Variants in BNIP3L observed in about 807,000 individuals in gnomAD.
The protein encoded by BNIP3L is BCL2 interacting protein 3 like.
A neutral mutation model predicts 25.5 loss-of-function variants in BNIP3L; 10 were observed. That is an observed-to-expected ratio of 0.39 (90% CI 0.24 to 0.67). The LOEUF is 0.67. Among genes scored for constraint, BNIP3L ranks in the 30% least tolerant of loss-of-function variants. The pLI, the probability that BNIP3L is intolerant of heterozygous loss-of-function variation, is 0.45. For synonymous variants in BNIP3L, 113 were observed against 101.2 expected (o/e 1.12, Z -0.70); for missense variants, 215 against 270.9 (o/e 0.79, Z 1.45).
At chr8:26,390,445 TCAA>T in intron 1 of BNIP3L, 2 of 985,042 alleles carry the variant, frequency 2.0e-6, no homozygotes, top group South Asian at 9.4e-5. Flanking sequence ...TGCTCCCAAA[TCAA>T]CAGGGTTTAA....
At chr8:26,410,238 G>A (rs1806591629) in intron 5 of BNIP3L, 126 bp from the exon 6 acceptor site, 1 of 993,992 alleles carries the variant, frequency 1.0e-6, no homozygotes. Context: ...TGTTTGGGGA[G>A]CGGTACCCAC....
At chr8:26,409,879 G>T (rs922844727) in intron 5 of BNIP3L, among the ~76,000 whole-genome samples, 2 of 152,042 alleles carry the variant, frequency 1.3e-5, no homozygotes, top group Admixed American at 1.3e-4. Flanking sequence ...GTATTATAAG[G>T]CCCCTAATCC....
In BNIP3L at chr8:26,412,485, T is replaced by A. The variant is rs1482983069; in HGVS notation, c.*2073T>A. The A allele has an allele frequency of 6.6e-6, 1 of 152,252 alleles. No individual in the cohort carries two copies. Among genetic ancestry groups the A allele is most frequent in the African/African-American group, 2.4e-5 (1 of 41,470 alleles). The allele number at this position is 152,252 out of a possible 1,614,324, so 9.4% of individuals were successfully genotyped here. On this transcript the variant is annotated 3_prime_UTR_variant, in exon 6 of 6. Coordinates refer to ENST00000380629, the MANE Select transcript of BNIP3L (RefSeq NM_004331.3). ...TCAGTGGTGCCACTGAAACTGGGTA[T>A]ATTTATGATTTCTTTCAGCGTTAAA...
At chr8:26,407,062 G>A (rs1223342678) in intron 3 of BNIP3L, among the ~76,000 whole-genome samples, 2 of 148,082 alleles carry the variant, frequency 1.4e-5, no homozygotes, top group Admixed American at 6.7e-5. Context: ...GCTGGATCTC[G>A]GCTCCACCTC....
intron 3 of BNIP3L, among the ~76,000 whole-genome samples, chr8:26,402,457 C>G (rs558312757): frequency 6.6e-6 from 1 of 152,304 alleles, no homozygotes; most frequent in African/African-American, 2.4e-5. Context: ...TTTCTTCAAT[C>G]TATATCACCT....
chr8:26,400,071 G>A (rs879665971), intron 3 of BNIP3L, among the ~76,000 whole-genome samples: 11 of 149,868 alleles, frequency 7.3e-5, no homozygotes, highest in Non-Finnish European at 1.2e-4. Context: ...CTACTTTAAA[G>A]TTCATATGGA....
At chr8:26,383,526 C>T (rs1585427694) in intron 1 of BNIP3L, 3 of 66,308 alleles carry the variant, frequency 4.5e-5, no homozygotes, top group Non-Finnish European at 6.8e-5. Context: ...GCAGCGGAGC[C>T]GGGCGGGGCG....
intron 1 of BNIP3L, chr8:26,390,571 A>G: frequency 1.0e-6 from 1 of 979,290 alleles, no homozygotes; most frequent in Non-Finnish European, 1.2e-6. Context: ...GATACAAAGG[A>G]AATGAAGAAA....
At chr8:26,383,453 G>T in intron 1 of BNIP3L, 2 of 1,359,498 alleles carry the variant, frequency 1.5e-6, no homozygotes, top group South Asian at 1.6e-5. Context: ...GGGGCCGTTT[G>T]GGCTCGCGGT....
At chr8:26,391,457 A>C in intron 2 of BNIP3L, 31 bp downstream of exon 2, 1 of 1,494,234 alleles carries the variant, frequency 6.7e-7, no homozygotes, top group Non-Finnish European at 9.0e-7. Context: ...GGTGGAATTC[A>C]GGAAACAGGT....
chr8:26,396,639 G>C (rs1340747394), intron 3 of BNIP3L, among the ~76,000 whole-genome samples: 2 of 151,276 alleles, frequency 1.3e-5, no homozygotes, highest in African/African-American at 4.9e-5. Flanking sequence ...ATTTTGACGA[G>C]CTGAGAGAAG....
Position 26,392,237 on chromosome 8 carries a change from A to G in BNIP3L, c.284+811A>G, listed in dbSNP as rs528372484. Among the ~76,000 whole-genome samples the G allele has an allele frequency of 8.7e-5, 13 of 148,640 alleles. No homozygotes were observed. The East Asian group carries it at 2.6e-3, about 29-fold the overall frequency. ...CATTTAAGAAATTCTTGTTTCAGTG[A>G]CAGCTACACTGTTAGCATTATGGGG... On this transcript the variant is annotated intron_variant, in intron 2 of 5. Transcript: ENST00000380629.
chr8:26,390,581 A>G (rs1005033912), intron 1 of BNIP3L: 4 of 972,016 alleles, frequency 4.1e-6, no homozygotes, highest in African/African-American at 1.8e-5. Context: ...AAATGAAGAA[A>G]CTAATCAGTG....
chr8:26,408,873 GAAAA>G (rs36118116), intron 5 of BNIP3L, among the ~76,000 whole-genome samples: 1 of 76,138 alleles, frequency 1.3e-5, no homozygotes, highest in Non-Finnish European at 2.7e-5. Context: ...CTCCATCTCG[GAAAA>G]AAAAAAAAAA....
chr8:26,394,591 G>A (rs575364796), intron 2 of BNIP3L, among the ~76,000 whole-genome samples: 18 of 152,174 alleles, frequency 1.2e-4, no homozygotes, highest in Admixed American at 8.5e-4. Context: ...AAGAATAGTG[G>A]CATTGTTTTA....
chr8:26,403,720 T>C (rs1413970005), intron 3 of BNIP3L, among the ~76,000 whole-genome samples: 1 of 151,966 alleles, frequency 6.6e-6, no homozygotes, highest in African/African-American at 2.4e-5. Context: ...ATTTTTTTTT[T>C]GTATAGACAG....
Position 26,391,277 on chromosome 8 carries a change from T to C in BNIP3L, c.135T>C (p.Asn45=), listed in dbSNP as rs1563338413. The part of the protein sequence containing the change: ...SWVELPMNSS[N]GNDNGNGKNG... ...TGGAGCTACCCATGAACAGCAGCAATGGCAATGATAATGGCAATGGGAAAA... is the reference window on the plus strand; with the variant it reads ...TGGAGCTACCCATGAACAGCAGCAACGGCAATGATAATGGCAATGGGAAAA... Residue 45 remains asparagine, a synonymous_variant, in exon 2 of 6, where the codon AAT becomes AAC. Coordinates refer to ENST00000380629, the MANE Select transcript of BNIP3L (RefSeq NM_004331.3). 6.2e-7 allele frequency: 1 copy of C among 1,611,448 alleles called. No homozygotes were observed. Among genetic ancestry groups the C allele is most frequent in the Non-Finnish European group, 8.5e-7 (1 of 1,178,900 alleles).
intron 3 of BNIP3L, 97 bp downstream of exon 3, chr8:26,395,399 T>C: frequency 7.8e-7 from 1 of 1,279,762 alleles, no homozygotes; most frequent in East Asian, 2.4e-5. Flanking sequence ...CTTTTAGGAA[T>C]AGTTTGAAGC....
chr8:26,390,457 A>G, intron 1 of BNIP3L: 1 of 985,286 alleles, frequency 1.0e-6, no homozygotes, highest in Non-Finnish European at 1.2e-6. Context: ...AACAGGGTTT[A>G]ATGAAAACCC....
Sources: gnomAD v4.1 joint callset for allele counts (sites outside exome capture counted in the v4.1 genomes callset) on GRCh38, gnomAD v4.1.1 for gene constraint, MANE v1.5 for transcripts, NCBI Gene and HGNC (gene_info 2026-07-23, HGNC 2026-07-21) for gene names.